SLC31A1: variants seen among roughly 807,000 people sequenced by gnomAD.
SLC31A1 encodes high affinity copper uptake protein 1.
SLC31A1 carries 5 observed loss-of-function variants against 17.2 expected under a neutral mutation model. The ratio of observed to expected loss-of-function variants is 0.29; its 90% CI spans 0.15 to 0.61. The LOEUF (loss-of-function observed/expected upper bound fraction) is 0.61, where lower values mean the gene tolerates loss of function less well. Ranked by LOEUF, SLC31A1 falls within the 20% of genes least tolerant of loss-of-function variation. SLC31A1 has a pLI of 0.86. For missense variants in SLC31A1, 161 were observed against 241.4 expected, an observed-to-expected ratio of 0.67 and a Z score of 2.21; for synonymous variants, 76 against 78.8, an observed-to-expected ratio of 0.96 and a Z score of 0.19.
chr9:113,226,150 AGAAAT>A (rs1449504784), intron 1 of SLC31A1, among the ~76,000 whole-genome samples: 1 of 149,698 alleles, frequency 6.7e-6, no homozygotes, highest in Admixed American at 6.6e-5. Context: ...AAAAAAAAAA[AGAAAT>A]AAAGAAAGCA....
intron 1 of SLC31A1, among the ~76,000 whole-genome samples, chr9:113,250,121 G>A (rs10981703): frequency 0.017 from 2,457 of 146,354 alleles, 26 homozygotes; most frequent in Non-Finnish European, 0.026. Context: ...TCAGTGTGGC[G>A]ATTCCTCAGG....
intron 1 of SLC31A1, among the ~76,000 whole-genome samples, chr9:113,253,223 C>T (rs898380665): frequency 6.6e-6 from 1 of 151,880 alleles, no homozygotes; most frequent in African/African-American, 2.4e-5. Context: ...CCAAAGTGCT[C>T]GGATTACAAG....
intron 1 of SLC31A1, among the ~76,000 whole-genome samples, chr9:113,225,170 TG>T (rs1260733209): frequency 6.6e-6 from 1 of 152,208 alleles, no homozygotes; most frequent in Non-Finnish European, 1.5e-5. Flanking sequence ...CCAGAAGTGT[TG>T]TTCCCATCAC....
At chr9:113,228,916 G>A (rs1564203567) in intron 1 of SLC31A1, among the ~76,000 whole-genome samples, 2 of 151,158 alleles carry the variant, frequency 1.3e-5, no homozygotes, top group African/African-American at 4.9e-5. Context: ...GTGTGATCTC[G>A]GCTCATTGCA....
Position 113,256,257 on chromosome 9 carries a change from G to A in SLC31A1, c.109G>A (p.Asp37Asn). The change falls in exon 2 of 5, where the codon GAC becomes AAC. Residue 37 changes from aspartate to asparagine, a missense_variant. By Grantham distance (23) the Asp-to-Asn change is conservative. Coordinates refer to ENST00000374212, the MANE Select transcript of SLC31A1 (RefSeq NM_001859.4). The part of the protein sequence containing the change: ...TSASHSHGGG[D>N]SSMMMMPMTF... ...AGCCTCACACTCCCATGGTGGAGGAGACAGCAGCATGATGATGATGGTGAG... is the reference window on the plus strand; with the variant it reads ...AGCCTCACACTCCCATGGTGGAGGAAACAGCAGCATGATGATGATGGTGAG... The A allele has an allele frequency of 1.2e-6, 2 of 1,614,002 alleles. No individual in the cohort carries two copies. The highest frequency in any genetic ancestry group is 1.7e-6 in the Non-Finnish European group (2 of 1,179,992).
chr9:113,259,176 A>G (rs1304483579), intron 4 of SLC31A1, among the ~76,000 whole-genome samples: 1 of 152,226 alleles, frequency 6.6e-6, no homozygotes, highest in Non-Finnish European at 1.5e-5. Flanking sequence ...TCAGATCAAG[A>G]TATAAAAGAA....
chr9:113,223,325 C>G, intron 1 of SLC31A1: 1 of 334,574 alleles, frequency 3.0e-6, no homozygotes, highest in Non-Finnish European at 5.8e-6. Flanking sequence ...ACTGGGTGCA[C>G]CTAAAAAAAA....
intron 1 of SLC31A1, among the ~76,000 whole-genome samples, chr9:113,255,335 T>C (rs1831707948): frequency 6.6e-6 from 1 of 152,240 alleles, no homozygotes; most frequent in Non-Finnish European, 1.5e-5. Context: ...TTATTACAGA[T>C]TGCCTGTTTC....
Position 113,263,754 on chromosome 9 carries a change from A to G in SLC31A1, c.*3281A>G, listed in dbSNP as rs10981707. ...ACCCTTCCCAGAGTTACAGAATCTT[A>G]GGTGCCGTCTCTAGTCTGTGAGGGA... On this transcript the variant is annotated 3_prime_UTR_variant, in exon 5 of 5. Coordinates refer to ENST00000374212, the MANE Select transcript of SLC31A1 (RefSeq NM_001859.4). 26,611 of 152,418 alleles carry G rather than the reference A, an allele frequency of 0.17. 2,796 individuals carry two copies. The highest frequency in any genetic ancestry group is 0.24 in the Non-Finnish European group (16,283 of 67,936). 9.4% of individuals were successfully genotyped at this position (152,418 alleles called of 1,614,324 possible).
At chr9:113,247,249 G>T (rs1416185365) in intron 1 of SLC31A1, among the ~76,000 whole-genome samples, 1 of 152,110 alleles carries the variant, frequency 6.6e-6, no homozygotes, top group Non-Finnish European at 1.5e-5. Flanking sequence ...ATCTAAAAAG[G>T]AATATGACCC....
In SLC31A1 at chr9:113,262,132, C is replaced by G. The variant is rs947748922; in HGVS notation, c.*1659C>G. ...CAGTCATGGGCCAGAAGGGCAAAAG[C>G]CCAGCTTTCTCTTTGGAAAGACTCA... On this transcript the variant is annotated 3_prime_UTR_variant, in exon 5 of 5. Transcript: ENST00000374212. The G allele has an allele frequency of 6.6e-6, 1 of 152,490 alleles. No individual in the cohort carries two copies. Among genetic ancestry groups the G allele is most frequent in the African/African-American group, 2.4e-5 (1 of 41,452 alleles). 9.4% of individuals were successfully genotyped at this position (152,490 alleles called of 1,614,324 possible). A position where few individuals can be genotyped will look rare whatever the true frequency, so the allele number is the denominator to read the frequency against.
intron 1 of SLC31A1, among the ~76,000 whole-genome samples, chr9:113,238,338 T>G (rs1174065178): frequency 6.6e-6 from 1 of 152,152 alleles, no homozygotes; most frequent in African/African-American, 2.4e-5. Context: ...AAAATGTTGT[T>G]AATACTGAGG....
intron 1 of SLC31A1, chr9:113,227,388 G>T (rs1380582047): frequency 6.6e-6 from 1 of 152,044 alleles, no homozygotes; most frequent in Non-Finnish European, 1.5e-5. Context: ...GAGTAGCCGG[G>T]ACTACAGGCA....
At chr9:113,240,228 TGA>T (rs1264574260) in intron 1 of SLC31A1, among the ~76,000 whole-genome samples, 2 of 152,194 alleles carry the variant, frequency 1.3e-5, no homozygotes, top group Admixed American at 6.5e-5. Context: ...ACATTTTTAC[TGA>T]GAGAGCCTTC....
At chr9:113,232,068 C>T (rs920601683) in intron 1 of SLC31A1, among the ~76,000 whole-genome samples, 7 of 152,184 alleles carry the variant, frequency 4.6e-5, no homozygotes, top group African/African-American at 1.4e-4. Context: ...CCTCACTGGA[C>T]TTCTTCCTAT....
intron 1 of SLC31A1, among the ~76,000 whole-genome samples, chr9:113,244,797 C>T (rs1831558959): frequency 6.6e-6 from 1 of 152,178 alleles, no homozygotes; most frequent in African/African-American, 2.4e-5. Context: ...AACTACTTTC[C>T]TGAGTGCAGA....
chr9:113,223,181 AG>A, intron 1 of SLC31A1: 3 of 433,588 alleles, frequency 6.9e-6, no homozygotes, highest in South Asian at 5.1e-5. Flanking sequence ...TAAAATCAAT[AG>A]CCTTTTTGGT....
At chr9:113,226,939 T>C (rs1000414234) in intron 1 of SLC31A1, among the ~76,000 whole-genome samples, 4 of 152,210 alleles carry the variant, frequency 2.6e-5, no homozygotes, top group Non-Finnish European at 4.4e-5. Flanking sequence ...TGATGGCTTT[T>C]TATGAGTTCT....
intron 1 of SLC31A1, among the ~76,000 whole-genome samples, chr9:113,231,825 C>T (rs1456093984): frequency 6.6e-6 from 1 of 152,002 alleles, no homozygotes; most frequent in African/African-American, 2.4e-5. Context: ...ATTTTAAAAA[C>T]TTGTCTATGG....
Sources: gnomAD v4.1 joint callset for allele counts (sites outside exome capture counted in the v4.1 genomes callset) on GRCh38, gnomAD v4.1.1 for gene constraint, MANE v1.5 for transcripts, NCBI Gene and HGNC (gene_info 2026-07-23, HGNC 2026-07-21) for gene names.